PTP4A1: variants seen among roughly 807,000 people sequenced by gnomAD.
The protein encoded by PTP4A1 is protein tyrosine phosphatase type IVA 1.
A neutral mutation model predicts 20.5 loss-of-function variants in PTP4A1; 9 were observed. That is an observed-to-expected ratio of 0.44 (90% CI 0.26 to 0.77). The LOEUF (loss-of-function observed/expected upper bound fraction) is 0.77, where lower values mean the gene tolerates loss of function less well. Ranked by LOEUF, PTP4A1 falls within the 30% of genes least tolerant of loss-of-function variation. The pLI is 0.19. For missense variants in PTP4A1, 137 were observed against 218.8 expected (o/e 0.63, Z 2.36); for synonymous variants, 78 against 67.4 (o/e 1.16, Z -0.77).
At chr6:63,579,154 A>G in intron 4 of PTP4A1, 103 bp from the exon 5 acceptor site, 1 of 1,377,456 alleles carries the variant, frequency 7.3e-7, no homozygotes, top group Non-Finnish European at 9.8e-7. Flanking sequence ...CTTAAATAGG[A>G]AGGGTGGTAG....
chr6:63,527,511 A>G (rs1775240204), intron 1 of PTP4A1, among the ~76,000 whole-genome samples: 1 of 152,176 alleles, frequency 6.6e-6, no homozygotes, highest in Non-Finnish European at 1.5e-5. Context: ...TATAAATAAT[A>G]TCTAATGTGC....
intron 1 of PTP4A1, among the ~76,000 whole-genome samples, chr6:63,525,647 T>G (rs1166274820): frequency 1.3e-5 from 2 of 152,198 alleles, no homozygotes; most frequent in Non-Finnish European, 2.9e-5. Context: ...AGGTCTGGAT[T>G]CCAGCTTCCA....
rs756847901 is a variant in PTP4A1 at position 63,578,889 on chromosome 6, C to G, written c.199-9C>G. ...TGATCTAAAATGTTTAAATATTCTT[C>G]TGACTTAGGATTGGCCTTTTGATGA... On this transcript the variant is annotated splice_polypyrimidine_tract_variant and intron_variant, in intron 3 of 5. Transcript: ENST00000626021. 1 of 1,522,358 alleles carries G rather than the reference C, an allele frequency of 6.6e-7. No homozygotes were observed. The highest frequency in any genetic ancestry group is 8.8e-7 in the Non-Finnish European group (1 of 1,133,404). 94.3% of individuals were successfully genotyped at this position (1,522,358 alleles called of 1,614,324 possible).
At chr6:63,544,108 T>TA (rs2149485610) in intron 2 of PTP4A1, among the ~76,000 whole-genome samples, 1 of 152,276 alleles carries the variant, frequency 6.6e-6, no homozygotes, top group Admixed American at 6.5e-5. Flanking sequence ...TAATTCTACT[T>TA]ACAATTGTGG....
At chr6:63,540,159 T>A (rs1206085275) in intron 2 of PTP4A1, among the ~76,000 whole-genome samples, 1 of 152,194 alleles carries the variant, frequency 6.6e-6, no homozygotes, top group Non-Finnish European at 1.5e-5. Context: ...GATGATGGAA[T>A]CTGGTGTGCA....
chr6:63,519,726 C>T (rs1774854188), upstream of PTP4A1, among the ~76,000 whole-genome samples: 1 of 152,212 alleles, frequency 6.6e-6, no homozygotes, highest in African/African-American at 2.4e-5. Context: ...TCATGTGTGA[C>T]AGTTCTAATT....
At chr6:63,555,342 A>T (rs1463841524) in intron 3 of PTP4A1, among the ~76,000 whole-genome samples, 5 of 152,212 alleles carry the variant, frequency 3.3e-5, no homozygotes, top group Admixed American at 3.3e-4. Context: ...AATATTTAAT[A>T]ATTCAATATT....
chr6:63,565,449 A>C (rs1466444170), intron 3 of PTP4A1, among the ~76,000 whole-genome samples: 2 of 151,266 alleles, frequency 1.3e-5, no homozygotes, highest in Non-Finnish European at 3.0e-5. Context: ...ATAGACTTTA[A>C]AAAAAAAAGT....
intron 3 of PTP4A1, among the ~76,000 whole-genome samples, chr6:63,558,027 A>G (rs1235229681): frequency 6.6e-6 from 1 of 151,702 alleles, no homozygotes; most frequent in Non-Finnish European, 1.5e-5. Context: ...ACCCACCACC[A>G]TGCCTGGGTA....
upstream of PTP4A1, among the ~76,000 whole-genome samples, chr6:63,518,996 T>C (rs796808712): frequency 2.8e-4 from 43 of 152,292 alleles, no homozygotes; most frequent in African/African-American, 1.0e-3. Context: ...GTAAAGCATG[T>C]GCATATTCAC....
At chr6:63,562,257 T>A (rs1202490554) in intron 3 of PTP4A1, among the ~76,000 whole-genome samples, 2 of 151,078 alleles carry the variant, frequency 1.3e-5, no homozygotes, top group Admixed American at 1.3e-4. Flanking sequence ...TGGAGTGCAA[T>A]GGTGCGGTCT....
intron 1 of PTP4A1, among the ~76,000 whole-genome samples, chr6:63,524,436 A>G (rs1016248768): frequency 2.0e-5 from 3 of 152,184 alleles, no homozygotes; most frequent in African/African-American, 4.8e-5. Flanking sequence ...GAGGACATCA[A>G]TTTGGGCCTT....
At chr6:63,516,998 C>T (rs115434782), upstream of PTP4A1, among the ~76,000 whole-genome samples, 1,360 of 152,162 alleles carry the variant, frequency 8.9e-3, 23 homozygotes, top group African/African-American at 0.031. Context: ...AACCATTGAC[C>T]GAAGCCATTG....
chr6:63,531,252 TAAG>T (rs767366603), intron 2 of PTP4A1, among the ~76,000 whole-genome samples: 5 of 152,056 alleles, frequency 3.3e-5, no homozygotes, highest in Non-Finnish European at 7.4e-5. Context: ...AATCACAGAC[TAAG>T]AAGAGGATTT....
intron 2 of PTP4A1, among the ~76,000 whole-genome samples, chr6:63,528,983 GGAGGCT>G (rs1391114111): frequency 2.6e-5 from 4 of 151,084 alleles, no homozygotes; most frequent in Non-Finnish European, 5.9e-5. Flanking sequence ...CAGCTACTTG[GGAGGCT>G]GAGGCAAGAG....
intron 2 of PTP4A1, among the ~76,000 whole-genome samples, chr6:63,534,220 T>TA (rs200887778): frequency 2.4e-4 from 36 of 151,478 alleles, no homozygotes; most frequent in Non-Finnish European, 2.9e-4. Context: ...CAATTACGTT[T>TA]AAAAAAAAAG....
Position 63,580,110 on chromosome 6 carries a change from G to A in PTP4A1, c.458G>A (p.Arg153His), listed in dbSNP as rs563964139. The change falls in exon 6 of 6, where the codon CGT becomes CAT. Residue 153 changes from arginine to histidine, a missense_variant. By Grantham distance (29) the Arg-to-His change is conservative. Transcript: ENST00000626021. Reference sequence around the variant, plus strand: ...CAACTTCTGTATTTGGAGAAGTATCGTCCTAAAATGCGGCTGCGTTTCAAA... The same window carrying A: ...CAACTTCTGTATTTGGAGAAGTATCATCCTAAAATGCGGCTGCGTTTCAAA... ...SKQLLYLEKY[R>H]PKMRLRFKDS... The A allele has an allele frequency of 5.0e-6, 8 of 1,612,560 alleles. No homozygotes were observed. In the African/African-American group the frequency reaches 5.4e-5, roughly 11 times the overall value.
chr6:63,568,427 G>A (rs1474563377), upstream of PTP4A1, among the ~76,000 whole-genome samples: 1 of 152,186 alleles, frequency 6.6e-6, no homozygotes, highest in Non-Finnish European at 1.5e-5. Context: ...TATCAAATAA[G>A]TTTGCCATCT....
intron 3 of PTP4A1, among the ~76,000 whole-genome samples, chr6:63,565,095 T>G (rs1339644382): frequency 6.6e-6 from 1 of 152,056 alleles, no homozygotes; most frequent in Non-Finnish European, 1.5e-5. Flanking sequence ...ACTGCAGCCC[T>G]AACAACTCCT....
Sources: allele counts gnomAD v4.1 joint callset (sites outside exome capture counted in the v4.1 genomes callset), GRCh38; gene constraint gnomAD v4.1.1; transcripts MANE v1.5; gene names NCBI Gene and HGNC (gene_info 2026-07-23, HGNC 2026-07-21).